The following IL1RAPL2 variants were observed in gnomAD, a reference collection of about 807,000 sequenced individuals.
IL1RAPL2 encodes interleukin 1 receptor accessory protein like 2.
Under a neutral mutation model 44.1 loss-of-function variants are expected in IL1RAPL2, and 3 were observed. The observed-to-expected ratio is 0.07, with a 90% CI of 0.03 to 0.18. The LOEUF is 0.18. Among genes scored for constraint, IL1RAPL2 ranks in the 10% least tolerant of loss-of-function variants. IL1RAPL2 has a pLI of 1.00. For missense variants in IL1RAPL2, 391 were observed against 496.4 expected, an observed-to-expected ratio of 0.79 and a Z score of 2.02; for synonymous variants, 181 against 178.8, an observed-to-expected ratio of 1.01 and a Z score of -0.10.
At chrX:105,245,280 T>G (rs925510754) in intron 4 of IL1RAPL2, among the ~76,000 whole-genome samples, 2 of 111,976 alleles carry the variant, frequency 1.8e-5, no homozygotes, top group African/African-American at 6.5e-5. Context: ...TCATAGTCCG[T>G]TTTGAGTTTC....
intron 2 of IL1RAPL2, among the ~76,000 whole-genome samples, chrX:105,156,049 T>G (rs761850613): frequency 1.8e-5 from 2 of 111,665 alleles, no homozygotes; most frequent in Non-Finnish European, 3.8e-5. Context: ...GACTCTACTT[T>G]TAGTAAGCAC....
intron 5 of IL1RAPL2, among the ~76,000 whole-genome samples, chrX:105,415,191 G>A (rs1391975917): frequency 1.3e-4 from 14 of 111,821 alleles, no homozygotes; most frequent in Non-Finnish European, 1.9e-5. Context: ...TCTTCTTAAA[G>A]GAAGTTTTCT....
intron 2 of IL1RAPL2, among the ~76,000 whole-genome samples, chrX:104,991,824 T>A (rs1237803127): frequency 9.0e-6 from 1 of 111,583 alleles, no homozygotes; most frequent in East Asian, 2.8e-4. Context: ...TGTGATAAAA[T>A]TATTCAGTAA....
intron 2 of IL1RAPL2, among the ~76,000 whole-genome samples, chrX:104,666,243 T>C (rs1015505): frequency 0.028 from 3,114 of 111,736 alleles, 128 homozygotes; most frequent in African/African-American, 0.096. Context: ...AACAACTAAG[T>C]TCATTATTAT....
At chrX:105,478,102 T>C (rs1309442206) in intron 5 of IL1RAPL2, among the ~76,000 whole-genome samples, 2 of 110,598 alleles carry the variant, frequency 1.8e-5, no homozygotes, top group African/African-American at 6.6e-5. Flanking sequence ...GGCAATGAGA[T>C]GGTATTGCCT....
At chrX:105,437,953 A>G (rs2035893185) in intron 5 of IL1RAPL2, among the ~76,000 whole-genome samples, 1 of 112,091 alleles carries the variant, frequency 8.9e-6, no homozygotes, top group Admixed American at 9.5e-5. Context: ...TATGAGATTA[A>G]TAATAGAATA....
chrX:105,566,162 A>G (rs979230807), intron 6 of IL1RAPL2, among the ~76,000 whole-genome samples: 1 of 111,342 alleles, frequency 9.0e-6, no homozygotes. Context: ...CAACTGGAAC[A>G]TGTGTATTCT....
chrX:105,192,515 A>C lies in IL1RAPL2; in HGVS notation c.83-2960A>C, dbSNP rs190721765. ...TTTGTCCCACTCTTGGTTTATTAAG[A>C]ATAGCAATCCAATAAAAATTAATCA... On this transcript the variant is annotated intron_variant, in intron 2 of 10. Coordinates refer to ENST00000372582, the MANE Select transcript of IL1RAPL2 (RefSeq NM_017416.2). 4.4e-4 allele frequency among the ~76,000 whole-genome samples: 49 copies of C among 111,461 alleles called. 1 individual carries two copies. Among genetic ancestry groups the C allele is most frequent in the African/African-American group, 1.6e-3 (49 of 30,705 alleles).
chrX:105,645,313 C>G (rs1356325875), intron 6 of IL1RAPL2, among the ~76,000 whole-genome samples: 2 of 111,556 alleles, frequency 1.8e-5, no homozygotes, highest in Non-Finnish European at 3.8e-5. Flanking sequence ...ATAACAATTT[C>G]CTTCTCCCAA....
intron 5 of IL1RAPL2, among the ~76,000 whole-genome samples, chrX:105,281,706 C>T (rs1187380379): frequency 9.0e-6 from 1 of 111,431 alleles, no homozygotes; most frequent in Non-Finnish European, 1.9e-5. Context: ...ATCATATAGC[C>T]TAAGTGTGTA....
At chrX:104,802,554 G>A (rs1016323047) in intron 2 of IL1RAPL2, among the ~76,000 whole-genome samples, 5 of 110,291 alleles carry the variant, frequency 4.5e-5, no homozygotes, top group Non-Finnish European at 9.5e-5. Context: ...GTGACGGCCC[G>A]CACAATTTTA....
chrX:105,216,677 G>T (rs782679967), intron 3 of IL1RAPL2, among the ~76,000 whole-genome samples: 10 of 111,169 alleles, frequency 9.0e-5, no homozygotes, highest in Non-Finnish European at 1.5e-4. Context: ...AAAACTGGAG[G>T]CATCACACTA....
chrX:105,241,512 G>A (rs1283701441), intron 4 of IL1RAPL2, among the ~76,000 whole-genome samples: 1 of 111,523 alleles, frequency 9.0e-6, no homozygotes, highest in Admixed American at 9.6e-5. Context: ...CCTTGCATTA[G>A]TATACTGTTA....
intron 5 of IL1RAPL2, among the ~76,000 whole-genome samples, chrX:105,399,416 T>G (rs776148530): frequency 2.7e-5 from 3 of 110,921 alleles, no homozygotes; most frequent in African/African-American, 9.8e-5. Context: ...ATCCCTATCC[T>G]TCTTAGAGGT....
intron 5 of IL1RAPL2, among the ~76,000 whole-genome samples, chrX:105,390,606 A>G (rs1484753645): frequency 1.8e-5 from 2 of 110,473 alleles, no homozygotes; most frequent in Non-Finnish European, 3.8e-5. Flanking sequence ...TTTTTTAGGC[A>G]AAGCATAGAG....
At chrX:105,290,520 G>A (rs918045780) in intron 5 of IL1RAPL2, among the ~76,000 whole-genome samples, 3 of 111,670 alleles carry the variant, frequency 2.7e-5, no homozygotes, top group Non-Finnish European at 5.6e-5. Flanking sequence ...ATCTTGAAAG[G>A]TGGATTGTAA....
intron 2 of IL1RAPL2, among the ~76,000 whole-genome samples, chrX:104,965,857 T>C (rs1168798818): frequency 9.0e-6 from 1 of 110,946 alleles, no homozygotes; most frequent in Admixed American, 9.6e-5. Context: ...CTGGAGAAAC[T>C]GTCAAGGTGC....
intron 2 of IL1RAPL2, among the ~76,000 whole-genome samples, chrX:104,826,328 G>T (rs1275591670): frequency 9.0e-6 from 1 of 111,213 alleles, no homozygotes; most frequent in Non-Finnish European, 1.9e-5. Flanking sequence ...GTTCTCATTG[G>T]TTTCAAAGAA....
intron 2 of IL1RAPL2, among the ~76,000 whole-genome samples, chrX:104,758,816 T>C (rs1044777274): frequency 6.2e-5 from 7 of 112,089 alleles, no homozygotes; most frequent in African/African-American, 2.3e-4. Context: ...TTTTTCCTTT[T>C]CTTCCTAAGA....
Sources: gnomAD v4.1 joint callset for allele counts (sites outside exome capture counted in the v4.1 genomes callset) on GRCh38, gnomAD v4.1.1 for gene constraint, MANE v1.5 for transcripts, NCBI Gene and HGNC (gene_info 2026-07-23, HGNC 2026-07-21) for gene names.